The following ATF7IP2 variants were observed in gnomAD, a reference collection of about 807,000 sequenced individuals.
ATF7IP2 encodes the protein activating transcription factor 7 interacting protein 2.
In ATF7IP2, 42 loss-of-function variants were observed where a neutral mutation model predicts 64.2. That is an observed-to-expected ratio of 0.65 (90% CI 0.51 to 0.85). The LOEUF is 0.85. ATF7IP2 is among the 40% of genes least tolerant of loss of function. The pLI, the probability that ATF7IP2 is intolerant of heterozygous loss-of-function variation, is 0.00. For missense variants in ATF7IP2, 933 were observed against 784.2 expected (o/e 1.19, Z -2.27); for synonymous variants, 308 against 272.8 (o/e 1.13, Z -1.27).
chr16:10,458,444 A>G (rs2142014615), intron 9 of ATF7IP2, among the ~76,000 whole-genome samples: 1 of 152,318 alleles, frequency 6.6e-6, no homozygotes, highest in East Asian at 1.9e-4. Flanking sequence ...AAATATATCC[A>G]ATTTAGCCAT....
chr16:10,463,222 G>C (rs983794680), intron 9 of ATF7IP2, among the ~76,000 whole-genome samples: 4 of 152,116 alleles, frequency 2.6e-5, no homozygotes, highest in Admixed American at 6.6e-5. Flanking sequence ...AACTGTAAAG[G>C]CTCTAAATGA....
intron 8 of ATF7IP2, among the ~76,000 whole-genome samples, chr16:10,450,117 A>G (rs2048937432): frequency 6.6e-6 from 1 of 152,118 alleles, no homozygotes; most frequent in South Asian, 2.1e-4. Context: ...GTTTCCATGT[A>G]GTTGTGTGGT....
chr16:10,441,053 C>T (rs936176035), intron 8 of ATF7IP2, among the ~76,000 whole-genome samples: 1 of 152,204 alleles, frequency 6.6e-6, no homozygotes, highest in Admixed American at 6.5e-5. Context: ...TTTTCAGCTT[C>T]ATCCATGTCG....
At chr16:10,399,273 T>G (rs780562928) in intron 1 of ATF7IP2, among the ~76,000 whole-genome samples, 5 of 152,194 alleles carry the variant, frequency 3.3e-5, no homozygotes, top group Non-Finnish European at 7.3e-5. Context: ...ATCTACAAAT[T>G]CAACACAATC....
intron 6 of ATF7IP2, among the ~76,000 whole-genome samples, chr16:10,434,504 A>G (rs1404971164): frequency 6.6e-6 from 1 of 152,190 alleles, no homozygotes; most frequent in Non-Finnish European, 1.5e-5. Flanking sequence ...AGTTACATAT[A>G]CTATGAATGT....
At chr16:10,444,924 C>T (rs2048752117) in intron 8 of ATF7IP2, among the ~76,000 whole-genome samples, 1 of 152,124 alleles carries the variant, frequency 6.6e-6, no homozygotes, top group African/African-American at 2.4e-5. Context: ...AGCTTCTACC[C>T]AGTGAGTGAG....
chr16:10,475,266 T>C (rs1043835634), intron 12 of ATF7IP2, among the ~76,000 whole-genome samples: 2 of 151,964 alleles, frequency 1.3e-5, no homozygotes, highest in African/African-American at 4.8e-5. Context: ...TTAAATGGAG[T>C]GGTGTCACGT....
At chr16:10,481,746 G>C (rs1428687714) in intron 13 of ATF7IP2, 90 bp from the exon 14 acceptor site, 4 of 1,111,394 alleles carry the variant, frequency 3.6e-6, no homozygotes, top group Non-Finnish European at 5.1e-6. Flanking sequence ...TTATTATTTT[G>C]ATAAATGGAT....
chr16:10,451,205 C>T (rs918868460), intron 8 of ATF7IP2, among the ~76,000 whole-genome samples: 1 of 152,162 alleles, frequency 6.6e-6, no homozygotes, highest in Non-Finnish European at 1.5e-5. Flanking sequence ...GATGGGCTTC[C>T]CTTTGTGGGT....
chr16:10,438,279 G>T (rs2048489045), intron 7 of ATF7IP2, 44 bp downstream of exon 7: 2 of 1,560,098 alleles, frequency 1.3e-6, no homozygotes, highest in East Asian at 4.7e-5. Context: ...GGAGTAGGGG[G>T]TGTTGTTGCT....
chr16:10,459,232 GC>G (rs2049288092), intron 9 of ATF7IP2, among the ~76,000 whole-genome samples: 4 of 152,146 alleles, frequency 2.6e-5, no homozygotes, highest in Admixed American at 2.6e-4. Flanking sequence ...ACTTTCGGAG[GC>G]CTAGGTGGGT....
At chr16:10,413,855 A>T (rs755148475) in intron 1 of ATF7IP2, among the ~76,000 whole-genome samples, 2 of 152,180 alleles carry the variant, frequency 1.3e-5, no homozygotes, top group Non-Finnish European at 2.9e-5. Flanking sequence ...GGCTGAAGAT[A>T]GGGCCCCAAA....
intron 1 of ATF7IP2, among the ~76,000 whole-genome samples, chr16:10,409,038 A>C (rs1346500455): frequency 6.6e-6 from 1 of 152,240 alleles, no homozygotes; most frequent in African/African-American, 2.4e-5. Flanking sequence ...ATTCACGATC[A>C]CAAGAGCACA....
chr16:10,438,973 A>G (rs567009019), intron 7 of ATF7IP2, among the ~76,000 whole-genome samples: 1 of 149,472 alleles, frequency 6.7e-6, no homozygotes, highest in South Asian at 2.1e-4. Flanking sequence ...GAATTGCTTG[A>G]ACCAAGGAGG....
At chr16:10,435,170 T>G (rs928446324) in intron 6 of ATF7IP2, among the ~76,000 whole-genome samples, 2 of 152,330 alleles carry the variant, frequency 1.3e-5, no homozygotes, top group South Asian at 4.1e-4. Flanking sequence ...TATCTAGATG[T>G]TTACCTTGTT....
intron 1 of ATF7IP2, among the ~76,000 whole-genome samples, chr16:10,399,317 T>C (rs1454641819): frequency 1.3e-5 from 2 of 152,220 alleles, no homozygotes; most frequent in Non-Finnish European, 2.9e-5. Flanking sequence ...GGGAGAAATT[T>C]ATGATTTTTC....
intron 9 of ATF7IP2, among the ~76,000 whole-genome samples, chr16:10,462,474 GA>G (rs1380301359): frequency 6.6e-6 from 1 of 152,052 alleles, no homozygotes; most frequent in Non-Finnish European, 1.5e-5. Context: ...CTTGGGTATA[GA>G]ATTAGAGGTT....
Position 10,438,830 on chromosome 16 carries a change from G to A in ATF7IP2, c.1095+595G>A, listed in dbSNP as rs139122352. Among the ~76,000 whole-genome samples the A allele has an allele frequency of 6.3e-3, 961 of 152,120 alleles. 6 individuals carry two copies. The highest frequency in any genetic ancestry group is 0.031 in the Middle Eastern group (9 of 294). On this transcript the variant is annotated intron_variant, in intron 7 of 13. Transcript: ENST00000562102. ...AGCACTTTGGGAGGCCAAGGTGGGCGGATCACAAGGTCAAGAGATCGAGAC... is the reference window on the plus strand; with the variant it reads ...AGCACTTTGGGAGGCCAAGGTGGGCAGATCACAAGGTCAAGAGATCGAGAC...
At chr16:10,470,016 C>T (rs1198031183) in intron 9 of ATF7IP2, among the ~76,000 whole-genome samples, 1 of 151,642 alleles carries the variant, frequency 6.6e-6, no homozygotes, top group African/African-American at 2.4e-5. Flanking sequence ...ACCTACATTA[C>T]AAGAAATTTT....
Sources: gnomAD v4.1 joint callset for allele counts (sites outside exome capture counted in the v4.1 genomes callset) on GRCh38, gnomAD v4.1.1 for gene constraint, MANE v1.5 for transcripts, NCBI Gene and HGNC (gene_info 2026-07-23, HGNC 2026-07-21) for gene names.